The following NDST1 variants were observed in gnomAD, a reference collection of about 807,000 sequenced individuals.
NDST1 encodes N-deacetylase and N-sulfotransferase 1.
In NDST1, 35 loss-of-function variants were observed where a neutral mutation model predicts 92.8. The ratio of observed to expected loss-of-function variants is 0.38; its 90% CI spans 0.29 to 0.50. NDST1 has a LOEUF of 0.50. Ranked by LOEUF, NDST1 falls within the 20% of genes least tolerant of loss-of-function variation. The probability of loss-of-function intolerance (pLI) is 0.94; values close to 1 mark genes in which losing one functional copy is unlikely to be tolerated. For synonymous variants in NDST1, 493 were observed against 500.3 expected, an observed-to-expected ratio of 0.99 and a Z score of 0.19; for missense variants, 822 against 1,182.7, an observed-to-expected ratio of 0.69 and a Z score of 4.47.
At chr5:150,508,280 T>TCCCTGGCCCCCTGC (rs1300701241) in intron 1 of NDST1, 54 bp downstream of exon 1, 2 of 154,206 alleles carry the variant, frequency 1.3e-5, no homozygotes, top group Non-Finnish European at 2.9e-5. Flanking sequence ...CTGACCACTG[T>TCCCTGGCCCCCTGC]CCCTGGCCCC....
At chr5:150,517,543 G>A (rs1348288741) in intron 1 of NDST1, among the ~76,000 whole-genome samples, 1 of 152,186 alleles carries the variant, frequency 6.6e-6, no homozygotes, top group Non-Finnish European at 1.5e-5. Flanking sequence ...TATGCATTCT[G>A]TGGGTTTGGA....
intron 4 of NDST1, among the ~76,000 whole-genome samples, chr5:150,533,965 A>G (rs1754864986): frequency 6.6e-6 from 1 of 151,784 alleles, no homozygotes; most frequent in Non-Finnish European, 1.5e-5. Context: ...CTCCTGTAGT[A>G]TCAGCTACTT....
chr5:150,552,016 A>G, intron 14 of NDST1, 161 bp downstream of exon 14: 1 of 758,296 alleles, frequency 1.3e-6, no homozygotes, highest in African/African-American at 1.9e-5. Flanking sequence ...GGGCTGGGAC[A>G]TGGTGGGTCA....
rs1269275244 is a variant in NDST1 at position 150,521,094 on chromosome 5, G to A, written c.-161G>A. 7.7e-6 allele frequency: 5 copies of A among 653,372 alleles called. No homozygotes were observed. Among genetic ancestry groups the A allele is most frequent in the Admixed American group, 2.9e-5 (1 of 34,066 alleles). 40.5% of individuals were successfully genotyped at this position (653,372 alleles called of 1,614,324 possible). ...CGCCCCTGGCTGGGAGGAAGGACTG[G>A]GGGCCCAGATCCTCCACTCCCAGTG... On this transcript the variant is annotated 5_prime_UTR_variant, in exon 2 of 15. Coordinates refer to ENST00000261797, the MANE Select transcript of NDST1 (RefSeq NM_001543.5). The surrounding 1 kb of genome is among the most constrained non-coding windows in gnomAD (Gnocchi z 5.9).
rs191183164 is a variant in NDST1 at position 150,536,207 on chromosome 5, T to C, written c.1437+322T>C. 2.6e-3 allele frequency among the ~76,000 whole-genome samples: 390 copies of C among 152,320 alleles called. 4 individuals are homozygous for C. Among genetic ancestry groups the C allele is most frequent in the Non-Finnish European group, 3.4e-3 (228 of 68,022 alleles). On this transcript the variant is annotated intron_variant, in intron 6 of 14. Transcript: ENST00000261797. ...GCTGATTAAAAATTTTTTTCTTGGC[T>C]GGGCCTGATGGCTCACACCTGTAAT...
rs932570181 is a variant in NDST1, at chr5:150,553,041, A to G, written c.2530-172A>G. On this transcript the variant is annotated intron_variant, in intron 14 of 14. Transcript: ENST00000261797. The surrounding 1 kb of genome is among the most constrained non-coding windows in gnomAD (Gnocchi z 4.2). ...TTTGTATTTTTAGTAGGGTTTTCCC[A>G]TGTTGGCCAGGCTGGTCTTGAACTC... Among the ~76,000 whole-genome samples the G allele has an allele frequency of 2.0e-5, 3 of 151,836 alleles. No homozygotes were observed. Among genetic ancestry groups the G allele is most frequent in the Admixed American group, 6.6e-5 (1 of 15,262 alleles).
rs187637381 is a variant in NDST1 at position 150,551,029 on chromosome 5, A to G, written c.2427-724A>G. The G allele has an allele frequency of 1.9e-3, 302 of 156,684 alleles. 4 individuals are homozygous for G. The highest frequency in any genetic ancestry group is 3.4e-3 in the Middle Eastern group (1 of 296). 9.7% of individuals were successfully genotyped at this position (156,684 alleles called of 1,614,324 possible). ...TCTATACCTATCCTATGACCCTTTCAGAAATCTCTGTTCTCCTTCGCTATT... is the reference window on the plus strand; with the variant it reads ...TCTATACCTATCCTATGACCCTTTCGGAAATCTCTGTTCTCCTTCGCTATT... On this transcript the variant is annotated intron_variant, in intron 13 of 14. Transcript: ENST00000261797.
chr5:150,501,237 G>A lies in NDST1; in HGVS notation c.-388+2998G>A, dbSNP rs562216780. On this transcript the variant is annotated intron_variant, in intron 1 of 1. Transcript: ENST00000518299. ...CCTGCTGACCACAGGAAAAGGGCAA[G>A]CGTAGCACCAGCCTCCCTCCTCTGC... Among the ~76,000 whole-genome samples, 41 of 152,334 alleles carry A rather than the reference G, an allele frequency of 2.7e-4. 1 individual carries two copies. The South Asian group carries it at 3.9e-3, about 15-fold the overall frequency.
At chr5:150,538,090 G>A (rs906585326) in intron 6 of NDST1, among the ~76,000 whole-genome samples, 4 of 152,188 alleles carry the variant, frequency 2.6e-5, no homozygotes, top group African/African-American at 7.2e-5. Flanking sequence ...AATAAGCCAC[G>A]CTGCCACATG....
intron 11 of NDST1, among the ~76,000 whole-genome samples, chr5:150,547,703 A>G (rs116646307): frequency 6.6e-6 from 1 of 152,082 alleles, no homozygotes; most frequent in African/African-American, 2.4e-5. Flanking sequence ...TTTTATTGCC[A>G]TTTGTGAGTG....
chr5:150,528,743 C>T (rs929178064), intron 3 of NDST1, among the ~76,000 whole-genome samples: 1 of 151,952 alleles, frequency 6.6e-6, no homozygotes, highest in Non-Finnish European at 1.5e-5. Flanking sequence ...TGCAGTGAGC[C>T]GAGATTGTGC....
chr5:150,514,690 A>C (rs1753881066), intron 1 of NDST1, among the ~76,000 whole-genome samples: 1 of 152,024 alleles, frequency 6.6e-6, no homozygotes, highest in East Asian at 1.9e-4. Context: ...TTCAGGGAGG[A>C]ATGAAAGACC....
intron 1 of NDST1, among the ~76,000 whole-genome samples, chr5:150,518,646 C>T (rs1313786206): frequency 6.6e-6 from 1 of 152,192 alleles, no homozygotes; most frequent in African/African-American, 2.4e-5. Flanking sequence ...ATTATGACCG[C>T]ACGTACAAAC....
At chr5:150,523,687 C>T (rs1754343055) in intron 2 of NDST1, among the ~76,000 whole-genome samples, 1 of 152,228 alleles carries the variant, frequency 6.6e-6, no homozygotes, top group Non-Finnish European at 1.5e-5. Flanking sequence ...CTCCCACAGT[C>T]TTTGGGGACC....
intron 7 of NDST1, 178 bp downstream of exon 7, chr5:150,539,534 A>T: frequency 2.0e-6 from 3 of 1,476,124 alleles, no homozygotes; most frequent in Non-Finnish European, 2.7e-6. Flanking sequence ...TTGGCTAAAG[A>T]ATCCGAGCAT....
At chr5:150,502,903 G>A (rs1331033609) in intron 1 of NDST1, among the ~76,000 whole-genome samples, 2 of 152,114 alleles carry the variant, frequency 1.3e-5, no homozygotes, top group Non-Finnish European at 2.9e-5. Context: ...TATGGAGAAG[G>A]GTTGAGGTGG....
rs1434554140 is a variant in NDST1, at chr5:150,548,227, G to T, written c.2155G>T (p.Ala719Ser). The T allele has an allele frequency of 1.2e-6, 2 of 1,614,076 alleles. No individual in the cohort carries two copies. The highest frequency in any genetic ancestry group is 2.7e-5 in the African/African-American group (2 of 74,932). The change falls in exon 12 of 15, where the codon GCC (alanine) becomes TCC (serine). Residue 719 changes from alanine (A) to serine (S), a missense_variant. By Grantham distance (99) the Ala-to-Ser change is moderately conservative. Coordinates refer to ENST00000261797, the MANE Select transcript of NDST1 (RefSeq NM_001543.5). ...RAYSWYQHQR[A>S]HDDPVALKYT... ...CTTTCCTTGCCTGCAGCACCAGCGAGCCCATGACGACCCAGTGGCCCTAAA... is the reference window on the plus strand; with the variant it reads ...CTTTCCTTGCCTGCAGCACCAGCGATCCCATGACGACCCAGTGGCCCTAAA...
Position 150,557,240 on chromosome 5 carries a change from A to C in NDST1, c.*3908A>C. 6.5e-6 allele frequency: 1 copy of C among 152,694 alleles called. No individual in the cohort carries two copies. The highest frequency in any genetic ancestry group is 1.9e-4 in the East Asian group (1 of 5,196). 9.5% of individuals were successfully genotyped at this position (152,694 alleles called of 1,614,324 possible). A position where few individuals can be genotyped will look rare whatever the true frequency, so the allele number is the denominator to read the frequency against. Reference sequence around the variant, plus strand: ...TAATATCTGGGCCTTGGAAGGAAGGACACAGGGCTCTGGAAGGAGGAGGCT... The same window carrying C: ...TAATATCTGGGCCTTGGAAGGAAGGCCACAGGGCTCTGGAAGGAGGAGGCT... On this transcript the variant is annotated 3_prime_UTR_variant, in exon 15 of 15. Transcript: ENST00000261797. This position sits in a 1 kb window ranked among gnomAD's most constrained non-coding sequence, Gnocchi z 4.7.
In NDST1 at chr5:150,554,366, A is replaced by G. The variant is rs1177151403; in HGVS notation, c.*1034A>G. On this transcript the variant is annotated 3_prime_UTR_variant, in exon 15 of 15. Transcript: ENST00000261797. The stretch of plus-strand genomic sequence containing the variant: ...ATATATATATATATATATAATGTGT[A>G]TATATATATATTCTATTTTTTTTGG... 3 of 148,946 alleles carry G rather than the reference A, an allele frequency of 2.0e-5. No individual in the cohort carries two copies. Among genetic ancestry groups the G allele is most frequent in the South Asian group, 2.2e-4 (1 of 4,570 alleles). 9.2% of individuals were successfully genotyped at this position (148,946 alleles called of 1,614,324 possible). A position where few individuals can be genotyped will look rare whatever the true frequency, so the allele number is the denominator to read the frequency against.
Sources: gnomAD v4.1 joint callset for allele counts (sites outside exome capture counted in the v4.1 genomes callset) on GRCh38, gnomAD v4.1.1 for gene constraint, Gnocchi (gnomAD v3.1) non-coding constraint, MANE v1.5 for transcripts, NCBI Gene and HGNC (gene_info 2026-07-23, HGNC 2026-07-21) for gene names.